LRRC8D: variants seen among roughly 807,000 people sequenced by gnomAD.
LRRC8D encodes leucine rich repeat containing 8 VRAC subunit D.
Under a neutral mutation model 55.8 loss-of-function variants are expected in LRRC8D, and 20 were observed. The observed-to-expected ratio is 0.36, with a 90% confidence interval of 0.25 to 0.52. The LOEUF (loss-of-function observed/expected upper bound fraction) is 0.52. Ranked by LOEUF, LRRC8D falls within the 20% of genes least tolerant of loss-of-function variation. The pLI is 0.93. For missense variants in LRRC8D, 651 were observed against 1,030.8 expected (o/e 0.63, Z 5.05); for synonymous variants, 352 against 377.0 (o/e 0.93, Z 0.77).
rs571370268 is a variant in LRRC8D, at chr1:89,844,791, C to G, written c.-3+1009C>G. ...TGAAAGCCTAGCCTTGTTTTACCGCCTGTTTATCTACCTGGTGAAACTCTA... is the reference window on the plus strand; with the variant it reads ...TGAAAGCCTAGCCTTGTTTTACCGCGTGTTTATCTACCTGGTGAAACTCTA... On this transcript the variant is annotated intron_variant, in intron 2 of 2. Coordinates refer to ENST00000337338, the MANE Select transcript of LRRC8D (RefSeq NM_001134479.2). 4.6e-5 allele frequency among the ~76,000 whole-genome samples: 7 copies of G among 152,304 alleles called. 1 individual carries two copies. In the South Asian group the frequency reaches 1.5e-3, roughly 32 times the overall value.
intron 2 of LRRC8D, among the ~76,000 whole-genome samples, chr1:89,852,282 T>TTCTC (rs1661439361): frequency 6.6e-6 from 1 of 152,204 alleles, no homozygotes; most frequent in Admixed American, 6.5e-5. Flanking sequence ...TACATGCTCA[T>TTCTC]TAGAGGACTT....
intron 2 of LRRC8D, among the ~76,000 whole-genome samples, chr1:89,922,761 A>G (rs1663457804): frequency 6.6e-6 from 1 of 152,382 alleles, no homozygotes; most frequent in African/African-American, 2.4e-5. Flanking sequence ...TAGTTACAAT[A>G]GGCTACAATC....
chr1:89,843,904 C>G, intron 2 of LRRC8D, 122 bp downstream of exon 2: 3 of 517,602 alleles, frequency 5.8e-6, no homozygotes, highest in Non-Finnish European at 1.0e-5. Flanking sequence ...CCCCCCACCA[C>G]TGGCTTCTCA....
At chr1:89,932,359 A>C (rs1283101733) in intron 2 of LRRC8D, among the ~76,000 whole-genome samples, 1 of 152,168 alleles carries the variant, frequency 6.6e-6, no homozygotes, top group African/African-American at 2.4e-5. Context: ...TTTCAGCTAT[A>C]TATATTGATA....
chr1:89,855,357 T>G (rs566549065), intron 2 of LRRC8D, among the ~76,000 whole-genome samples: 2 of 152,324 alleles, frequency 1.3e-5, no homozygotes, highest in Non-Finnish European at 2.9e-5. Context: ...GGATAACATC[T>G]TAAAGCCCTC....
intron 2 of LRRC8D, among the ~76,000 whole-genome samples, chr1:89,867,816 C>T (rs565596867): frequency 9.9e-5 from 15 of 152,098 alleles, no homozygotes; most frequent in African/African-American, 3.4e-4. Flanking sequence ...AAATGTTTTC[C>T]TTAAAATAAT....
intron 2 of LRRC8D, among the ~76,000 whole-genome samples, chr1:89,855,490 T>C (rs1157160565): frequency 6.6e-6 from 1 of 152,236 alleles, no homozygotes; most frequent in East Asian, 1.9e-4. Context: ...CTCTAATCTT[T>C]CTTTATGCTC....
At chr1:89,920,099 AC>A (rs1302877411) in intron 2 of LRRC8D, among the ~76,000 whole-genome samples, 1 of 152,212 alleles carries the variant, frequency 6.6e-6, no homozygotes, top group Non-Finnish European at 1.5e-5. Context: ...GTGGGCCTTG[AC>A]TTTTAGAATT....
intron 2 of LRRC8D, among the ~76,000 whole-genome samples, chr1:89,921,580 TG>T (rs1302497024): frequency 2.0e-5 from 3 of 152,156 alleles, no homozygotes; most frequent in African/African-American, 7.2e-5. Flanking sequence ...AGTCTTGCTC[TG>T]TTGCCCAGGT....
chr1:89,933,080 T>C lies in LRRC8D; in HGVS notation c.12T>C (p.Leu4=). ...CTTGTTTTCTAGGAATGTTTACCCTTGCGGAAGTTGCATCACTTAATGACA... is the reference window on the plus strand; with the variant it reads ...CTTGTTTTCTAGGAATGTTTACCCTCGCGGAAGTTGCATCACTTAATGACA... MFT[L]AEVASLNDIQ... The change falls in exon 3 of 3, where the codon CTT becomes CTC. Residue 4 remains leucine (L), a synonymous_variant. Coordinates refer to ENST00000337338, the MANE Select transcript of LRRC8D (RefSeq NM_001134479.2). The surrounding 1 kb of genome is among the most constrained non-coding windows in gnomAD (Gnocchi z 7.0). 1 of 1,606,436 alleles carries C rather than the reference T, an allele frequency of 6.2e-7. No individual in the cohort carries two copies. Among genetic ancestry groups the C allele is most frequent in the Non-Finnish European group, 8.5e-7 (1 of 1,173,402 alleles).
At chr1:89,845,414 T>G (rs532197989) in intron 2 of LRRC8D, among the ~76,000 whole-genome samples, 1 of 152,300 alleles carries the variant, frequency 6.6e-6, no homozygotes, top group Non-Finnish European at 1.5e-5. Context: ...AAATACGTCA[T>G]GAAAAGTGAG....
At chr1:89,897,943 G>T (rs1662754104) in intron 2 of LRRC8D, among the ~76,000 whole-genome samples, 1 of 152,134 alleles carries the variant, frequency 6.6e-6, no homozygotes, top group Non-Finnish European at 1.5e-5. Context: ...GAGCAGCATG[G>T]TCATGGTGTG....
intron 2 of LRRC8D, among the ~76,000 whole-genome samples, chr1:89,859,508 G>A (rs188650126): frequency 2.8e-4 from 43 of 152,160 alleles, no homozygotes; most frequent in Non-Finnish European, 5.1e-4. Flanking sequence ...GAAATGGTTC[G>A]GGGTTAAGGA....
At chr1:89,841,490 G>A (rs972283876) in intron 1 of LRRC8D, among the ~76,000 whole-genome samples, 2 of 151,884 alleles carry the variant, frequency 1.3e-5, no homozygotes, top group South Asian at 2.1e-4. Flanking sequence ...ACTGACAGGT[G>A]ATTGTGAACT....
chr1:89,869,691 G>A (rs1281191140), intron 2 of LRRC8D, among the ~76,000 whole-genome samples: 1 of 152,146 alleles, frequency 6.6e-6, no homozygotes, highest in Non-Finnish European at 1.5e-5. Flanking sequence ...AGGAAAAAAT[G>A]TTAAGGGCAA....
intron 1 of LRRC8D, among the ~76,000 whole-genome samples, chr1:89,827,461 G>T (rs1660792901): frequency 6.6e-6 from 1 of 152,060 alleles, no homozygotes; most frequent in African/African-American, 2.4e-5. Context: ...AGACACTAGA[G>T]CTGGAATGAC....
intron 2 of LRRC8D, among the ~76,000 whole-genome samples, chr1:89,863,482 A>G (rs1414308020): frequency 1.3e-5 from 2 of 152,166 alleles, no homozygotes; most frequent in Non-Finnish European, 1.5e-5. Flanking sequence ...AACCTGGAAT[A>G]TTAATAAACT....
chr1:89,905,451 T>C (rs1223207547), intron 2 of LRRC8D, among the ~76,000 whole-genome samples: 2 of 152,158 alleles, frequency 1.3e-5, no homozygotes, highest in Non-Finnish European at 2.9e-5. Flanking sequence ...ATATCTTTAA[T>C]AAATATTCAC....
chr1:89,929,621 C>T (rs1663649621), intron 2 of LRRC8D, among the ~76,000 whole-genome samples: 1 of 152,212 alleles, frequency 6.6e-6, no homozygotes, highest in Admixed American at 6.5e-5. Context: ...ATTACAGTCA[C>T]ATGTCTCTTC....
Sources: gnomAD v4.1 joint callset for allele counts (sites outside exome capture counted in the v4.1 genomes callset) on GRCh38, gnomAD v4.1.1 for gene constraint, Gnocchi (gnomAD v3.1) non-coding constraint, MANE v1.5 for transcripts, NCBI Gene and HGNC (gene_info 2026-07-23, HGNC 2026-07-21) for gene names.